The following ZNF621 variants were observed in gnomAD, a reference collection of about 807,000 sequenced individuals.
The protein encoded by ZNF621 is zinc finger protein 621.
Under a neutral mutation model 12.7 loss-of-function variants are expected in ZNF621, and 6 were observed. The observed-to-expected ratio is 0.47, with a 90% CI of 0.26 to 0.93. The LOEUF is 0.93. ZNF621 is among the 40% of genes least tolerant of loss of function. The probability of loss-of-function intolerance (pLI) is 0.15; values close to 1 mark genes in which losing one functional copy is unlikely to be tolerated. For synonymous variants in ZNF621, 156 were observed against 190.3 expected, an observed-to-expected ratio of 0.82 and a Z score of 1.48; for missense variants, 474 against 524.0, an observed-to-expected ratio of 0.90 and a Z score of 0.93.
intron 2 of ZNF621, among the ~76,000 whole-genome samples, chr3:40,527,753 C>A (rs1198042506): frequency 6.8e-6 from 1 of 146,252 alleles, no homozygotes; most frequent in Admixed American, 7.0e-5. Context: ...AATGGAAATG[C>A]TTTTTTTCTT....
chr3:40,532,057 G>A lies in ZNF621; in HGVS notation c.287G>A (p.Gly96Glu). Residue 96 changes from glycine (G) to glutamate (E), a missense_variant, in exon 5 of 5, where the codon GGG becomes GAG. By Grantham distance (98) the Gly-to-Glu change is moderately conservative (BLOSUM62 -2). Transcript: ENST00000339296. The stretch of plus-strand genomic sequence containing the variant: ...GGTGAGTCCTGGATCAAAAATGAAG[G>A]GCTAGTTATAAAGCAGGAAGCCTCT... ...QGGESWIKNEGLVIKQEASEE... is the reference protein window; with the variant it reads ...QGGESWIKNEELVIKQEASEE... 1.2e-6 allele frequency: 2 copies of A among 1,613,010 alleles called. No individual in the cohort carries two copies. Among genetic ancestry groups the A allele is most frequent in the Non-Finnish European group, 8.5e-7 (1 of 1,179,680 alleles).
Position 40,538,987 on chromosome 3 carries a change from C to T in ZNF621, c.*5897C>T, listed in dbSNP as rs1296004559. ...ATATGTGACTGAATTGCTGCAATCT[C>T]ATGATAAAACGTGAACAAATGAGGA... On this transcript the variant is annotated 3_prime_UTR_variant, in exon 5 of 5. Transcript: ENST00000339296. The T allele has an allele frequency of 6.6e-6, 1 of 152,474 alleles. No individual in the cohort carries two copies. The highest frequency in any genetic ancestry group is 1.9e-4 in the East Asian group (1 of 5,234). The allele number at this position is 152,474 out of a possible 1,614,324, so 9.4% of individuals were successfully genotyped here.
intron 2 of ZNF621, among the ~76,000 whole-genome samples, chr3:40,526,401 A>G (rs1359852318): frequency 6.6e-6 from 1 of 152,122 alleles, no homozygotes; most frequent in East Asian, 1.9e-4. Flanking sequence ...TGAACTCCTG[A>G]GCTCAGGTGA....
At position 40,535,797 on chromosome 3, in the gene ZNF621, A is replaced by T. The variant is rs1201040489; in HGVS notation, c.*2707A>T. 6.6e-6 allele frequency: 1 copy of T among 152,164 alleles called. No homozygotes were observed. The highest frequency in any genetic ancestry group is 1.9e-4 in the East Asian group (1 of 5,184). The allele number at this position is 152,164 out of a possible 1,614,324, so 9.4% of individuals were successfully genotyped here. A position where few individuals can be genotyped will look rare whatever the true frequency, so the allele number is the denominator to read the frequency against. Reference sequence around the variant, plus strand: ...CTGTAAAATATCAGATACCCATTATAGGCATTGAAGGTTACCTAAATGACA... The same window carrying T: ...CTGTAAAATATCAGATACCCATTATTGGCATTGAAGGTTACCTAAATGACA... On this transcript the variant is annotated 3_prime_UTR_variant, in exon 5 of 5. Transcript: ENST00000339296.
Position 40,532,875 on chromosome 3 carries a change from C to T in ZNF621, c.1105C>T (p.Leu369Phe). The T allele has an allele frequency of 6.2e-7, 1 of 1,608,608 alleles. No homozygotes were observed. Among genetic ancestry groups the T allele is most frequent in the South Asian group, 1.1e-5 (1 of 90,388 alleles). The stretch of plus-strand genomic sequence containing the variant: ...CTCCTCTCCAGCCATACCTCCTGTT[C>T]TTCTCCAGGGATCCTGTTCTGCTTC... ...QCSSPAIPPVLLQGSCSASAV... is the reference protein window; with the variant it reads ...QCSSPAIPPVFLQGSCSASAV... Residue 369 changes from leucine to phenylalanine, a missense_variant, in exon 5 of 5, where the codon CTT (leucine) becomes TTT (phenylalanine). Transcript: ENST00000339296.
chr3:40,528,181 A>G (rs1043860078), intron 2 of ZNF621, among the ~76,000 whole-genome samples: 2 of 152,188 alleles, frequency 1.3e-5, no homozygotes, highest in Admixed American at 6.5e-5. Flanking sequence ...ACAACCATCA[A>G]TTGATTTTTG....
chr3:40,529,247 C>T, intron 2 of ZNF621, 72 bp from the exon 3 acceptor site: 2 of 1,560,576 alleles, frequency 1.3e-6, no homozygotes, highest in Non-Finnish European at 1.7e-6. Flanking sequence ...TTATCCCTTC[C>T]CTGAAGCTCA....
rs1222451458 is a variant in ZNF621 at position 40,525,272 on chromosome 3, C to G, written c.-65C>G. The G allele has an allele frequency of 6.4e-6, 1 of 155,772 alleles. No homozygotes were observed. The highest frequency in any genetic ancestry group is 1.4e-5 in the Non-Finnish European group (1 of 70,396). 9.6% of individuals were successfully genotyped at this position (155,772 alleles called of 1,614,324 possible). A position where few individuals can be genotyped will look rare whatever the true frequency, so the allele number is the denominator to read the frequency against. ...AACTTGCCCTGACAGCCTCTGGCTC[C>G]CGGTACTGACGTTTCTGATGTTTGG... On this transcript the variant is annotated splice_region_variant and 5_prime_UTR_variant, in exon 1 of 5. Coordinates refer to ENST00000339296, the MANE Select transcript of ZNF621 (RefSeq NM_198484.5).
chr3:40,530,073 C>T (rs1159167622), intron 3 of ZNF621, 136 bp from the exon 4 acceptor site: 9 of 651,624 alleles, frequency 1.4e-5, no homozygotes, highest in Non-Finnish European at 2.1e-5. Context: ...TTTGGACCTC[C>T]TTGTCAGAAC....
Position 40,535,912 on chromosome 3 carries a change from T to G in ZNF621, c.*2822T>G, listed in dbSNP as rs1698854859. ...TCATAAATTAAAAACAATATAAAAA[T>G]TCCAGAGGGGTGTGTGTATAGAGAG... On this transcript the variant is annotated 3_prime_UTR_variant, in exon 5 of 5. Coordinates refer to ENST00000339296, the MANE Select transcript of ZNF621 (RefSeq NM_198484.5). 6.6e-6 allele frequency: 1 copy of G among 152,102 alleles called. No homozygotes were observed. The highest frequency in any genetic ancestry group is 1.5e-5 in the Non-Finnish European group (1 of 68,024). The allele number at this position is 152,102 out of a possible 1,614,324, so 9.4% of individuals were successfully genotyped here. A position where few individuals can be genotyped will look rare whatever the true frequency, so the allele number is the denominator to read the frequency against.
Position 40,535,008 on chromosome 3 carries a change from C to G in ZNF621, c.*1918C>G, listed in dbSNP as rs1215555695. The stretch of plus-strand genomic sequence containing the variant: ...CACTTAACTCCCCTGCTTTCCTAGG[C>G]CACTACTTTATACTTTCTCTCTTCT... On this transcript the variant is annotated 3_prime_UTR_variant, in exon 5 of 5. Transcript: ENST00000339296. The G allele has an allele frequency of 6.6e-6, 1 of 152,212 alleles. No individual in the cohort carries two copies. Among genetic ancestry groups the G allele is most frequent in the African/African-American group, 2.4e-5 (1 of 41,446 alleles). The allele number at this position is 152,212 out of a possible 1,614,324, so 9.4% of individuals were successfully genotyped here. A position where few individuals can be genotyped will look rare whatever the true frequency, so the allele number is the denominator to read the frequency against.
Position 40,532,090 on chromosome 3 carries a change from C to T in ZNF621, c.320C>T (p.Thr107Ile), listed in dbSNP as rs762292386. ...ATAAAGCAGGAAGCCTCTGAAGAAA[C>T]AGAGTTGCACAGAATGCCAGTAGGA... Reference protein sequence around the residue: ...LVIKQEASEETELHRMPVGGL... With the variant: ...LVIKQEASEEIELHRMPVGGL... Residue 107 changes from threonine (T) to isoleucine (I), a missense_variant, in exon 5 of 5, where the codon ACA (threonine) becomes ATA (isoleucine). Physicochemically the swap from Thr to Ile is moderately conservative, Grantham distance 89 (BLOSUM62 -1). Coordinates refer to ENST00000339296, the MANE Select transcript of ZNF621 (RefSeq NM_198484.5). 6.2e-6 allele frequency: 10 copies of T among 1,614,082 alleles called. No homozygotes were observed. In the South Asian group the frequency reaches 7.7e-5, roughly 12 times the overall value.
rs1345605648 is a variant in ZNF621, at chr3:40,533,346, G to C, written c.*256G>C. ...AGAAGAGATGGGGTTTCGCCATCTT[G>C]GCCAGGCTGGTCTCAAACACCTGAC... On this transcript the variant is annotated 3_prime_UTR_variant, in exon 5 of 5. Coordinates refer to ENST00000339296, the MANE Select transcript of ZNF621 (RefSeq NM_198484.5). 13 of 497,664 alleles carry C rather than the reference G, an allele frequency of 2.6e-5. No homozygotes were observed. Among genetic ancestry groups the C allele is most frequent in the Non-Finnish European group, 3.6e-5 (11 of 305,248 alleles). 30.8% of individuals were successfully genotyped at this position (497,664 alleles called of 1,614,324 possible). A position where few individuals can be genotyped will look rare whatever the true frequency, so the allele number is the denominator to read the frequency against.
At position 40,532,559 on chromosome 3, in the gene ZNF621, TA is replaced by T. The variant is rs1698756233; in HGVS notation, c.792del (p.Lys264AsnfsTer41). 6.2e-7 allele frequency: 1 copy of T among 1,614,022 alleles called. No homozygotes were observed. Among genetic ancestry groups the T allele is most frequent in the African/African-American group, 1.3e-5 (1 of 74,902 alleles). ...GATTACACACGGGAGAGAAACTCTA[TA>T]AATGTAAGGAATGTTGGAAAGCTTT... ...QRLHTGEKLYKCKECWKAFGC... is the reference protein window; with the variant it reads ...QRLHTGEKLYXCKECWKAFGC... On this transcript the variant is annotated frameshift_variant, in exon 5 of 5. Transcript: ENST00000339296. LOFTEE classifies it low-confidence loss of function (END_TRUNC).
rs1341567055 is a variant in ZNF621, at chr3:40,538,781, A to G, written c.*5691A>G. 6.6e-6 allele frequency: 1 copy of G among 152,542 alleles called. No individual in the cohort carries two copies. The highest frequency in any genetic ancestry group is 6.5e-5 in the Admixed American group (1 of 15,276). 9.4% of individuals were successfully genotyped at this position (152,542 alleles called of 1,614,324 possible). ...TTCTGGAAAGGATTCATCATTCTAG[A>G]TGCCATTAAGGACATTTGTGATTCA... On this transcript the variant is annotated 3_prime_UTR_variant, in exon 5 of 5. Coordinates refer to ENST00000339296, the MANE Select transcript of ZNF621 (RefSeq NM_198484.5).
chr3:40,527,578 G>A (rs772449268), intron 2 of ZNF621, among the ~76,000 whole-genome samples: 2 of 152,072 alleles, frequency 1.3e-5, no homozygotes, highest in Non-Finnish European at 1.5e-5. Flanking sequence ...TAATTTATTT[G>A]TAGTTTTTAT....
chr3:40,526,138 G>A (rs987192614), intron 2 of ZNF621, among the ~76,000 whole-genome samples: 8 of 152,190 alleles, frequency 5.3e-5, no homozygotes, highest in African/African-American at 1.7e-4. Context: ...AATCCAGATC[G>A]TGTTCTAGAA....
chr3:40,533,544 G>A lies in ZNF621; in HGVS notation c.*454G>A, dbSNP rs72866458. On this transcript the variant is annotated 3_prime_UTR_variant, in exon 5 of 5. Transcript: ENST00000339296. The stretch of plus-strand genomic sequence containing the variant: ...TATAATCTATATACATTTAAAGACC[G>A]TGTTTACATAATCTCTTCTGGGTAG... 1,013 of 162,284 alleles carry A rather than the reference G, an allele frequency of 6.2e-3. 9 individuals carry two copies. Among genetic ancestry groups the A allele is most frequent in the African/African-American group, 0.023 (940 of 41,646 alleles). The allele number at this position is 162,284 out of a possible 1,614,324, so 10.1% of individuals were successfully genotyped here. A position where few individuals can be genotyped will look rare whatever the true frequency, so the allele number is the denominator to read the frequency against.
chr3:40,525,954 G>A, intron 2 of ZNF621, 90 bp downstream of exon 2: 1 of 1,464,452 alleles, frequency 6.8e-7, no homozygotes, highest in East Asian at 2.4e-5. Context: ...GGATGAGGAA[G>A]GCCTAACTTG....
Sources: allele counts gnomAD v4.1 joint callset (sites outside exome capture counted in the v4.1 genomes callset), GRCh38; gene constraint gnomAD v4.1.1; transcripts MANE v1.5; gene names NCBI Gene and HGNC (gene_info 2026-07-23, HGNC 2026-07-21).